PSMD13: variants seen among roughly 807,000 people sequenced by gnomAD.
The protein encoded by PSMD13 is proteasome 26S subunit, non-ATPase 13.
PSMD13 carries 8 observed loss-of-function variants against 57.4 expected under a neutral mutation model. That is an observed-to-expected ratio of 0.14 (90% CI 0.08 to 0.25). The LOEUF (loss-of-function observed/expected upper bound fraction) is 0.25. PSMD13 is among the 10% of genes least tolerant of loss of function. PSMD13 has a pLI of 1.00. For missense variants in PSMD13, 400 were observed against 461.5 expected, an observed-to-expected ratio of 0.87 and a Z score of 1.22; for synonymous variants, 193 against 168.2, an observed-to-expected ratio of 1.15 and a Z score of -1.14.
At chr11:249,148 A>C in intron 9 of PSMD13, 91 bp downstream of exon 9, 1 of 1,547,818 alleles carries the variant, frequency 6.5e-7, no homozygotes, top group Non-Finnish European at 8.8e-7. Flanking sequence ...CTAGGCACAC[A>C]GGAAAGAACA....
chr11:248,492 G>C, intron 7 of PSMD13: 1 of 435,832 alleles, frequency 2.3e-6, no homozygotes, highest in Non-Finnish European at 4.1e-6. Flanking sequence ...GCAGAAAAGA[G>C]ATTTAAGGCA....
chr11:248,063 C>T (rs10902116), intron 7 of PSMD13: 48,963 of 151,194 alleles, frequency 0.32, 8,482 homozygotes, highest in Non-Finnish European at 0.38. Flanking sequence ...CTTCTGAGCC[C>T]TCCCCGCCCA....
At chr11:242,951 A>G (rs1859547675) in intron 2 of PSMD13, 2 of 203,950 alleles carry the variant, frequency 9.8e-6, no homozygotes, top group African/African-American at 4.7e-5. Context: ...GCGCGCCACC[A>G]TGCCCAGCTG....
In PSMD13 at chr11:248,699, G is replaced by T; in HGVS notation, c.569-77G>T. On this transcript the variant is annotated intron_variant, in intron 7 of 12. Coordinates refer to ENST00000532097, the MANE Select transcript of PSMD13 (RefSeq NM_002817.4). ...TACAAACAATGTTTTTTTACTTTTT[G>T]TTATATGAGATTTTTAAAGCTAAAC... 5.1e-6 allele frequency: 7 copies of T among 1,380,850 alleles called. No individual in the cohort carries two copies. The Admixed American group carries it at 5.5e-5, about 11-fold the overall frequency. 85.5% of individuals were successfully genotyped at this position (1,380,850 alleles called of 1,614,324 possible).
chr11:248,077 C>G (rs7129263), intron 7 of PSMD13: 4 of 151,502 alleles, frequency 2.6e-5, no homozygotes, highest in African/African-American at 9.7e-5. Context: ...CCGCCCACCC[C>G]TCTGCTGCAG....
rs1244746431 is a variant in PSMD13, at chr11:244,832, A to G, written c.396+71A>G. On this transcript the variant is annotated intron_variant, in intron 6 of 12. Coordinates refer to ENST00000532097, the MANE Select transcript of PSMD13 (RefSeq NM_002817.4). Reference sequence around the variant, plus strand: ...AAAACCCTAGGAAAAAAAATAACCTATTTTTCTTCTTTACTGTTTATTTTA... The same window carrying G: ...AAAACCCTAGGAAAAAAAATAACCTGTTTTTCTTCTTTACTGTTTATTTTA... The G allele has an allele frequency of 4.0e-6, 5 of 1,255,432 alleles. No individual in the cohort carries two copies. In the African/African-American group the frequency reaches 6.2e-5, roughly 16 times the overall value. 77.8% of individuals were successfully genotyped at this position (1,255,432 alleles called of 1,614,324 possible).
intron 2 of PSMD13, among the ~76,000 whole-genome samples, chr11:242,802 C>CT (rs887890095): frequency 2.2e-4 from 33 of 148,628 alleles, no homozygotes; most frequent in South Asian, 1.1e-3. Flanking sequence ...TTCTTTTTCT[C>CT]TTTTTTTTTT....
chr11:244,322 A>T, intron 4 of PSMD13, 104 bp from the exon 5 acceptor site: 4 of 1,576,956 alleles, frequency 2.5e-6, no homozygotes, highest in Non-Finnish European at 3.4e-6. Flanking sequence ...TTATGTTTTT[A>T]TTATACTTTA....
At position 244,786 on chromosome 11, in the gene PSMD13, A is replaced by G. The variant is rs374844921; in HGVS notation, c.396+25A>G. 5 of 1,505,280 alleles carry G rather than the reference A, an allele frequency of 3.3e-6. No homozygotes were observed. The African/African-American group carries it at 4.2e-5, about 13-fold the overall frequency. 93.2% of individuals were successfully genotyped at this position (1,505,280 alleles called of 1,614,324 possible). On this transcript the variant is annotated intron_variant, in intron 6 of 12. Transcript: ENST00000532097. Reference sequence around the variant, plus strand: ...GGTGAGATCACCATAATACAGATTTATCTTTGGTTTAAAATTATTTAAAAC... The same window carrying G: ...GGTGAGATCACCATAATACAGATTTGTCTTTGGTTTAAAATTATTTAAAAC...
intron 6 of PSMD13, 91 bp from the exon 7 acceptor site, chr11:247,186 C>T: frequency 7.5e-7 from 1 of 1,332,272 alleles, no homozygotes; most frequent in Non-Finnish European, 1.0e-6. Flanking sequence ...AGTTCAAGAC[C>T]ACCCTAGGCA....
rs530115727 is a variant in PSMD13, at chr11:252,462, C to G, written c.1036-43C>G. 14 of 1,597,194 alleles carry G rather than the reference C, an allele frequency of 8.8e-6. No individual in the cohort carries two copies. Among genetic ancestry groups the G allele is most frequent in the Non-Finnish European group, 1.2e-5 (14 of 1,165,050 alleles). On this transcript the variant is annotated intron_variant, in intron 12 of 12. Coordinates refer to ENST00000532097, the MANE Select transcript of PSMD13 (RefSeq NM_002817.4). This position sits in a 1 kb window ranked among gnomAD's most constrained non-coding sequence, Gnocchi z 4.1. ...TGTGCCGGCCGCTCGGCCTGTGTCT[C>G]CTGCGTGTCTTAACGTCCCTTGTGT...
chr11:249,012 C>T lies in PSMD13; in HGVS notation c.729C>T (p.Gly243=), dbSNP rs1482310162. The T allele has an allele frequency of 1.1e-5, 17 of 1,613,824 alleles. No individual in the cohort carries two copies. The highest frequency in any genetic ancestry group is 1.4e-5 in the Non-Finnish European group (17 of 1,180,036). ...LIDTLYAFNS[G]NVERFQTLKT... is the part of the protein sequence containing the mutation. ...ACACCCTCTATGCCTTCAACAGTGG[C>T]AACGTAGAGCGGTTCCAGACTCTGA... Residue 243 remains glycine (G), a synonymous_variant, in exon 9 of 13, where the codon GGC becomes GGT. Coordinates refer to ENST00000532097, the MANE Select transcript of PSMD13 (RefSeq NM_002817.4).
chr11:238,502 C>G (rs931296701), intron 1 of PSMD13, among the ~76,000 whole-genome samples: 1 of 152,172 alleles, frequency 6.6e-6, no homozygotes, highest in Non-Finnish European at 1.5e-5. Flanking sequence ...TTTAGTATCC[C>G]TTATCAGAAA....
rs375232789 is a variant in PSMD13 at position 249,095 on chromosome 11, G to A, written c.774+38G>A. ...CGATGCCCAGCCCTTATTCCCCCATGTATCTACTCGCTCATACAACAGATG... is the reference window on the plus strand; with the variant it reads ...CGATGCCCAGCCCTTATTCCCCCATATATCTACTCGCTCATACAACAGATG... On this transcript the variant is annotated intron_variant, in intron 9 of 12. Coordinates refer to ENST00000532097, the MANE Select transcript of PSMD13 (RefSeq NM_002817.4). 2.5e-6 allele frequency: 4 copies of A among 1,604,336 alleles called. No homozygotes were observed. In the African/African-American group the frequency reaches 5.3e-5, roughly 21 times the overall value.
chr11:248,613 C>T, intron 7 of PSMD13, 163 bp from the exon 8 acceptor site: 1 of 674,270 alleles, frequency 1.5e-6, no homozygotes, highest in Middle Eastern at 4.0e-4. Context: ...TTGGTATAAT[C>T]TAAGTCAACC....
intron 6 of PSMD13, among the ~76,000 whole-genome samples, chr11:246,120 T>C (rs190171072): frequency 2.6e-5 from 4 of 152,250 alleles, no homozygotes; most frequent in Admixed American, 2.6e-4. Flanking sequence ...GGTTTCAGAG[T>C]CATGTGGGTA....
rs1859795560 is a variant in PSMD13 at position 252,835 on chromosome 11, G to A, written c.*235G>A. ...GAGGGTGGGGGTCTCAGGGTCTTAGGTGATACGGGAGAGAAAGAACGTGCC... is the reference window on the plus strand; with the variant it reads ...GAGGGTGGGGGTCTCAGGGTCTTAGATGATACGGGAGAGAAAGAACGTGCC... On this transcript the variant is annotated 3_prime_UTR_variant, in exon 13 of 13. Coordinates refer to ENST00000532097, the MANE Select transcript of PSMD13 (RefSeq NM_002817.4). This position sits in a 1 kb window ranked among gnomAD's most constrained non-coding sequence, Gnocchi z 4.1. The A allele has an allele frequency of 2.0e-6, 1 of 495,492 alleles. No individual in the cohort carries two copies. The highest frequency in any genetic ancestry group is 2.6e-5 in the South Asian group (1 of 38,908). 30.7% of individuals were successfully genotyped at this position (495,492 alleles called of 1,614,324 possible). A position where few individuals can be genotyped will look rare whatever the true frequency, so the allele number is the denominator to read the frequency against.
chr11:246,564 C>G (rs1859652549), intron 6 of PSMD13, among the ~76,000 whole-genome samples: 1 of 152,158 alleles, frequency 6.6e-6, no homozygotes, highest in Admixed American at 6.6e-5. Context: ...ATAAGTATTT[C>G]TGTGCCTGGT....
rs181879998 is a variant in PSMD13, at chr11:238,605, A to G, written c.96-393A>G. On this transcript the variant is annotated intron_variant, in intron 1 of 12. Coordinates refer to ENST00000532097, the MANE Select transcript of PSMD13 (RefSeq NM_002817.4). ...AGAATCACTTGATCCTGGGAGGCAGAGGTTGCAGTGAGCCGAGATGGCGCC... is the reference window on the plus strand; with the variant it reads ...AGAATCACTTGATCCTGGGAGGCAGGGGTTGCAGTGAGCCGAGATGGCGCC... Among the ~76,000 whole-genome samples the G allele has an allele frequency of 5.9e-5, 9 of 152,324 alleles. No homozygotes were observed. In the East Asian group the frequency reaches 1.7e-3, roughly 29 times the overall value.
Sources: allele counts gnomAD v4.1 joint callset (sites outside exome capture counted in the v4.1 genomes callset), GRCh38; gene constraint gnomAD v4.1.1; non-coding constraint Gnocchi (gnomAD v3.1); transcripts MANE v1.5; gene names NCBI Gene and HGNC (gene_info 2026-07-23, HGNC 2026-07-21).